FGFR3: variants seen among roughly 807,000 people sequenced by gnomAD.
FGFR3 encodes FGFR-3.
In FGFR3, 25 loss-of-function variants were observed where a neutral mutation model predicts 82.9. The ratio of observed to expected loss-of-function variants is 0.30; its 90% CI spans 0.22 to 0.42. The LOEUF (loss-of-function observed/expected upper bound fraction) is 0.42. FGFR3 is among the 10% of genes least tolerant of loss of function. The pLI is 1.00. For missense variants in FGFR3, 1,026 were observed against 1,161.0 expected (o/e 0.88, Z 1.69); for synonymous variants, 620 against 516.0 (o/e 1.20, Z -2.73).
intron 4 of FGFR3, among the ~76,000 whole-genome samples, chr4:1,800,953 C>T (rs2108778786): frequency 6.6e-6 from 1 of 152,314 alleles, no homozygotes; most frequent in Non-Finnish European, 1.5e-5. Flanking sequence ...GCCTCCAAGG[C>T]TCCTGGCTCT....
At chr4:1,802,761 C>A (rs1393418193) in intron 7 of FGFR3, among the ~76,000 whole-genome samples, 1 of 152,184 alleles carries the variant, frequency 6.6e-6, no homozygotes, top group Admixed American at 6.5e-5. Flanking sequence ...GAAACCACAG[C>A]CACCGTGAAG....
chr4:1,806,376 G>T, intron 15 of FGFR3, 49 bp downstream of exon 15: 1 of 1,609,162 alleles, frequency 6.2e-7, no homozygotes, highest in Non-Finnish European at 8.5e-7. Flanking sequence ...CGGGAACTGG[G>T]CAGAGCCAGG....
chr4:1,806,462 G>T (rs1004599759), intron 15 of FGFR3, 84 bp from the exon 16 acceptor site: 3 of 1,609,200 alleles, frequency 1.9e-6, no homozygotes, highest in African/African-American at 2.7e-5. Context: ...GGGCAGCAGC[G>T]CAGCCCTGGC....
At position 1,805,934 on chromosome 4, in the gene FGFR3, C is replaced by G. The variant is rs758618182; in HGVS notation, c.1830C>G (p.Ser610=). The G allele has an allele frequency of 1.6e-4, 256 of 1,608,344 alleles. No individual in the cohort carries two copies. The highest frequency in any genetic ancestry group is 2.1e-4 in the Non-Finnish European group (249 of 1,176,440). ...QVARGMEYLA[S]QKCIHRDLAA... Reference sequence around the variant, plus strand: ...CCCGGGGCATGGAGTACTTGGCCTCCCAGAAGGTGGGCAGGGCGGCAGGTG... The same window carrying G: ...CCCGGGGCATGGAGTACTTGGCCTCGCAGAAGGTGGGCAGGGCGGCAGGTG... The change falls in exon 13 of 18, where the codon TCC becomes TCG. Residue 610 remains serine, a synonymous_variant. Coordinates refer to ENST00000440486, the MANE Select transcript of FGFR3 (RefSeq NM_000142.5).
chr4:1,799,813 G>A lies in FGFR3; in HGVS notation c.445+1G>A, dbSNP rs1380628622. On this transcript the variant is annotated splice_donor_variant, in intron 4 of 17. Transcript: ENST00000440486. LOFTEE classifies it high-confidence loss of function. ...GCTGAGGACACAGGTGTGGACACAG[G>A]TAGGAGCAGGGTCCAGGGTTCAGGC... 6.2e-7 allele frequency: 1 copy of A among 1,612,564 alleles called. No homozygotes were observed. Among genetic ancestry groups the A allele is most frequent in the South Asian group, 1.1e-5 (1 of 91,002 alleles).
In FGFR3 at chr4:1,801,701, A is replaced by G; in HGVS notation, c.697A>G (p.Lys233Glu). 4 of 1,610,526 alleles carry G rather than the reference A, an allele frequency of 2.5e-6. No homozygotes were observed. Among genetic ancestry groups the G allele is most frequent in the Non-Finnish European group, 3.4e-6 (4 of 1,179,184 alleles). The part of the protein sequence containing the change: ...RGNYTCVVEN[K>E]FGSIRQTYTL... ...CAACTACACCTGCGTCGTGGAGAAC[A>G]AGTTTGGCAGCATCCGGCAGACGTA... is the stretch of plus-strand genomic sequence containing the variant. Residue 233 changes from lysine to glutamate, a missense_variant, in exon 6 of 18, where the codon AAG (lysine) becomes GAG (glutamate). Coordinates refer to ENST00000440486, the MANE Select transcript of FGFR3 (RefSeq NM_000142.5).
chr4:1,794,232 A>G (rs948485551), intron 2 of FGFR3, among the ~76,000 whole-genome samples, 189 bp downstream of exon 2: 8 of 152,164 alleles, frequency 5.3e-5, no homozygotes, highest in Non-Finnish European at 1.0e-4. Context: ...GTGCGCCCGG[A>G]GCCGCAGCTA....
At chr4:1,805,063 G>A (rs968255443) in intron 10 of FGFR3, 94 bp downstream of exon 10, 6 of 1,451,306 alleles carry the variant, frequency 4.1e-6, no homozygotes, top group Middle Eastern at 2.5e-4. Flanking sequence ...TTTAGGGGCC[G>A]TCAGGGATGT....
chr4:1,798,990 G>A (rs1720860949), intron 2 of FGFR3, among the ~76,000 whole-genome samples: 1 of 152,254 alleles, frequency 6.6e-6, no homozygotes, highest in Non-Finnish European at 1.5e-5. Flanking sequence ...TGGGGCCACT[G>A]CTGTGGGGTT....
Position 1,804,524 on chromosome 4 carries a change from A to G in FGFR3, c.1266+4A>G. The G allele has an allele frequency of 6.2e-7, 1 of 1,611,936 alleles. No individual in the cohort carries two copies. Among genetic ancestry groups the G allele is most frequent in the Non-Finnish European group, 8.5e-7 (1 of 1,179,894 alleles). The stretch of plus-strand genomic sequence containing the variant: ...CCGCTTCCCGCTCAAGCGACAGGTA[A>G]CAGAAAGTAGATACCAGGTTCTGAG... On this transcript the variant is annotated splice_donor_region_variant and intron_variant, in intron 9 of 17. Coordinates refer to ENST00000440486, the MANE Select transcript of FGFR3 (RefSeq NM_000142.5).
At chr4:1,803,053 G>C (rs1210802525) in intron 7 of FGFR3, 3 of 1,596,454 alleles carry the variant, frequency 1.9e-6, no homozygotes, top group Admixed American at 3.4e-5. Context: ...AGCGTTCACG[G>C]GCCCCGAGCA....
At position 1,806,855 on chromosome 4, in the gene FGFR3, A is replaced by G. The variant is rs915913366; in HGVS notation, c.2195A>G (p.His732Arg). ...TACATGATCATGCGGGAGTGCTGGC[A>G]TGCCGCGCCCTCCCAGAGGCCCACC... ...DLYMIMRECW[H>R]AAPSQRPTFK... The change falls in exon 17 of 18, where the codon CAT becomes CGT. Residue 732 changes from histidine to arginine, a missense_variant. Around this residue, in one of 9 missense-constraint regions of FGFR3, gnomAD observed 155 missense variants for 150.2 expected, o/e 1.03. Transcript: ENST00000440486. The G allele has an allele frequency of 9.3e-6, 15 of 1,610,606 alleles. No individual in the cohort carries two copies. Among genetic ancestry groups the G allele is most frequent in the Non-Finnish European group, 1.3e-5 (15 of 1,179,264 alleles).
intron 7 of FGFR3, 143 bp downstream of exon 7, chr4:1,802,168 C>T (rs926839685): frequency 1.6e-5 from 14 of 883,990 alleles, no homozygotes; most frequent in East Asian, 1.3e-4. Context: ...CTTGTGGGGC[C>T]AAGTCTCAGC....
At chr4:1,800,392 T>C (rs2108777074) in intron 4 of FGFR3, among the ~76,000 whole-genome samples, 1 of 151,586 alleles carries the variant, frequency 6.6e-6, no homozygotes, top group South Asian at 2.1e-4. Context: ...TGGAGGGAGC[T>C]CTGAGGGGAG....
chr4:1,802,849 T>C, intron 7 of FGFR3: 1 of 1,522,478 alleles, frequency 6.6e-7, no homozygotes, highest in Non-Finnish European at 8.8e-7. Context: ...GTCTCCCACA[T>C]CCTGCCTCGT....
In FGFR3 at chr4:1,804,806, C is replaced by T. The variant is rs1047344228; in HGVS notation, c.1267-18C>T. On this transcript the variant is annotated intron_variant, in intron 9 of 17. Transcript: ENST00000440486. ...TGTCGCCCACGCGGCGCCAACCTGC[C>T]CCTGCTGACCCAAGCAGGTGTCCCT... The T allele has an allele frequency of 6.5e-7, 1 of 1,549,344 alleles. No homozygotes were observed.
chr4:1,802,810 G>A (rs968706033), intron 7 of FGFR3: 17 of 1,386,746 alleles, frequency 1.2e-5, no homozygotes, highest in East Asian at 9.0e-5. Flanking sequence ...TGGGGCTGAC[G>A]CAGCCCAGCC....
rs1287016961 is a variant in FGFR3, at chr4:1,807,703, C to A, written c.*441C>A. ...CCAAAGCTGAGCCTGCAGGGAAGCC[C>A]CACATGTCCAGCACCTTGTGCCTGG... On this transcript the variant is annotated 3_prime_UTR_variant, in exon 18 of 18. Coordinates refer to ENST00000440486, the MANE Select transcript of FGFR3 (RefSeq NM_000142.5). 6.5e-6 allele frequency: 4 copies of A among 617,210 alleles called. No homozygotes were observed. Among genetic ancestry groups the A allele is most frequent in the Non-Finnish European group, 1.2e-5 (4 of 322,024 alleles). 38.2% of individuals were successfully genotyped at this position (617,210 alleles called of 1,614,324 possible). A position where few individuals can be genotyped will look rare whatever the true frequency, so the allele number is the denominator to read the frequency against.
chr4:1,800,589 C>T (rs1721065090), intron 4 of FGFR3, among the ~76,000 whole-genome samples: 1 of 151,986 alleles, frequency 6.6e-6, no homozygotes, highest in Non-Finnish European at 1.5e-5. Flanking sequence ...GGGAGCTCAG[C>T]ACCGTGGGGT....
Sources: gnomAD v4.1 joint callset for allele counts (sites outside exome capture counted in the v4.1 genomes callset) on GRCh38, gnomAD v4.1.1 for gene constraint, gnomAD v4.1.1 regional missense constraint, MANE v1.5 for transcripts, NCBI Gene and HGNC (gene_info 2026-07-23, HGNC 2026-07-21) for gene names.